Variants in TNS3 observed in about 807,000 individuals in gnomAD.
TNS3 encodes the protein tensin 3.
TNS3 carries 45 observed loss-of-function variants against 140.9 expected under a neutral mutation model. The observed-to-expected ratio is 0.32, with a 90% CI of 0.25 to 0.41. TNS3 has a LOEUF of 0.41. Among genes scored for constraint, TNS3 ranks in the 10% least tolerant of loss-of-function variants. The pLI is 1.00. For missense variants in TNS3, 1,716 were observed against 1,906.7 expected (o/e 0.90, Z 1.86); for synonymous variants, 815 against 788.4 (o/e 1.03, Z -0.56).
chr7:47,493,949 A>C (rs766533618), intron 3 of TNS3, among the ~76,000 whole-genome samples: 1 of 152,252 alleles, frequency 6.6e-6, no homozygotes, highest in Non-Finnish European at 1.5e-5. Context: ...TCTAATGTCC[A>C]CATAAGCATA....
rs529070631 is a variant in TNS3 at position 47,480,704 on chromosome 7, T to C, written c.-76+399A>G. ...AGTATTTGTCAGAGCTGGATGTCAG[T>C]CTACAAACCACTGCACTACACTGTC... is the stretch of plus-strand genomic sequence containing the variant. On this transcript the variant is annotated intron_variant, in intron 4 of 30. Transcript: ENST00000311160. Among the ~76,000 whole-genome samples, 11 of 152,330 alleles carry C rather than the reference T, an allele frequency of 7.2e-5. 1 individual carries two copies. The South Asian group carries it at 2.3e-3, about 32-fold the overall frequency.
intron 4 of TNS3, among the ~76,000 whole-genome samples, chr7:47,472,100 C>G (rs1796978747): frequency 6.6e-6 from 1 of 152,226 alleles, no homozygotes; most frequent in Non-Finnish European, 1.5e-5. Context: ...ACACGTGGCT[C>G]CAGCCTCTGC....
intron 16 of TNS3, among the ~76,000 whole-genome samples, chr7:47,388,325 C>T (rs1792192345): frequency 6.6e-6 from 1 of 152,078 alleles, no homozygotes. Context: ...GGGGATGGAG[C>T]CCTCTTCCAG....
At chr7:47,483,815 G>A (rs1388903967) in intron 3 of TNS3, among the ~76,000 whole-genome samples, 9 of 152,176 alleles carry the variant, frequency 5.9e-5, no homozygotes, top group East Asian at 3.9e-4. Flanking sequence ...ATGGCTAACC[G>A]GCTCGCGCGA....
chr7:47,365,354 A>G (rs1291852317), intron 17 of TNS3, among the ~76,000 whole-genome samples: 4 of 151,618 alleles, frequency 2.6e-5, no homozygotes, highest in Non-Finnish European at 4.4e-5. Flanking sequence ...CTGAGCCAAG[A>G]GAATCATTTG....
chr7:47,338,648 T>C (rs1227626711), intron 20 of TNS3, among the ~76,000 whole-genome samples: 9 of 152,162 alleles, frequency 5.9e-5, no homozygotes, highest in Admixed American at 5.9e-4. Flanking sequence ...GCTGCATCCA[T>C]GTTGTTGCAA....
At chr7:47,497,848 A>G (rs1266348623) in intron 3 of TNS3, among the ~76,000 whole-genome samples, 2 of 152,110 alleles carry the variant, frequency 1.3e-5, no homozygotes, top group Non-Finnish European at 1.5e-5. Context: ...ACCCTGGTCT[A>G]TCTGACCCAG....
At chr7:47,431,996 A>G (rs764850173) in intron 8 of TNS3, among the ~76,000 whole-genome samples, 1 of 152,224 alleles carries the variant, frequency 6.6e-6, no homozygotes, top group Non-Finnish European at 1.5e-5. Flanking sequence ...CGAACAAAAC[A>G]ATAACAAGTA....
At chr7:47,376,868 C>T (rs183113299) in intron 16 of TNS3, among the ~76,000 whole-genome samples, 19 of 152,320 alleles carry the variant, frequency 1.2e-4, no homozygotes, top group Non-Finnish European at 1.9e-4. Flanking sequence ...GTCACAGCCG[C>T]TGCAGTGATG....
intron 28 of TNS3, among the ~76,000 whole-genome samples, chr7:47,282,646 G>T (rs549581900): frequency 1.3e-5 from 2 of 152,316 alleles, no homozygotes; most frequent in South Asian, 4.1e-4. Context: ...TAGGTATTTT[G>T]GTGCAGGATT....
chr7:47,329,860 G>C (rs907812177), intron 20 of TNS3, among the ~76,000 whole-genome samples: 1 of 152,122 alleles, frequency 6.6e-6, no homozygotes, highest in African/African-American at 2.4e-5. Context: ...GTGACTCGGA[G>C]CAAACCCACA....
In TNS3 at chr7:47,541,603, A is replaced by G. The variant is rs189228296; in HGVS notation, c.-264-12456T>C. Reference sequence around the variant, plus strand: ...AAAATAGTGATAATATTGGATTATGACCCATTGAATACAATACAAATCCAA... The same window carrying G: ...AAAATAGTGATAATATTGGATTATGGCCCATTGAATACAATACAAATCCAA... On this transcript the variant is annotated intron_variant, in intron 1 of 30. Coordinates refer to ENST00000311160, the MANE Select transcript of TNS3 (RefSeq NM_022748.12). 2.7e-3 allele frequency among the ~76,000 whole-genome samples: 405 copies of G among 152,256 alleles called. 3 individuals are homozygous for G. The Middle Eastern group carries it at 0.037, about 14-fold the overall frequency.
intron 4 of TNS3, among the ~76,000 whole-genome samples, chr7:47,480,604 T>C (rs1797377783): frequency 6.6e-6 from 1 of 152,240 alleles, no homozygotes; most frequent in Admixed American, 6.5e-5. Context: ...AATTTAAATT[T>C]GCCTAATCAC....
At chr7:47,356,043 C>T (rs1288631547) in intron 17 of TNS3, among the ~76,000 whole-genome samples, 1 of 152,200 alleles carries the variant, frequency 6.6e-6, no homozygotes, top group Non-Finnish European at 1.5e-5. Context: ...GGTCGCCTGC[C>T]TCTGCCTCTG....
At chr7:47,482,549 C>T (rs1797460607) in intron 3 of TNS3, among the ~76,000 whole-genome samples, 1 of 152,274 alleles carries the variant, frequency 6.6e-6, no homozygotes, top group Middle Eastern at 3.4e-3. Context: ...CGGAAACAGC[C>T]GGACAAGGAG....
intron 1 of TNS3, among the ~76,000 whole-genome samples, chr7:47,566,765 C>G (rs762230758): frequency 2.0e-5 from 3 of 152,092 alleles, no homozygotes; most frequent in Non-Finnish European, 4.4e-5. Context: ...CATGGCCGGG[C>G]ACGGTAACTC....
intron 4 of TNS3, among the ~76,000 whole-genome samples, chr7:47,458,947 G>T (rs988340719): frequency 2.0e-5 from 3 of 152,142 alleles, no homozygotes; most frequent in Non-Finnish European, 2.9e-5. Context: ...CATACCCCAA[G>T]ATAACCAACT....
chr7:47,517,369 A>G (rs1328128487), intron 2 of TNS3, among the ~76,000 whole-genome samples: 2 of 152,106 alleles, frequency 1.3e-5, no homozygotes, highest in African/African-American at 2.4e-5. Context: ...TGTCATTACC[A>G]ATCTTTACCC....
chr7:47,566,012 G>A (rs973345460), intron 1 of TNS3, among the ~76,000 whole-genome samples: 8 of 62,422 alleles, frequency 1.3e-4, no homozygotes, highest in Non-Finnish European at 2.2e-4. Flanking sequence ...GCTTCACTGG[G>A]GTTTCAGATT....
Sources: allele counts gnomAD v4.1 joint callset (sites outside exome capture counted in the v4.1 genomes callset), GRCh38; gene constraint gnomAD v4.1.1; transcripts MANE v1.5; gene names NCBI Gene and HGNC (gene_info 2026-07-23, HGNC 2026-07-21).